MYO1B: variants seen among roughly 807,000 people sequenced by gnomAD.
MYO1B encodes unconventional myosin-Ib.
MYO1B carries 72 observed loss-of-function variants against 159.7 expected under a neutral mutation model. That is an observed-to-expected ratio of 0.45 (90% CI 0.37 to 0.55). MYO1B has a LOEUF of 0.55. Among genes scored for constraint, MYO1B ranks in the 20% least tolerant of loss-of-function variants. MYO1B has a pLI of 0.00. For synonymous variants in MYO1B, 468 were observed against 473.8 expected, an observed-to-expected ratio of 0.99 and a Z score of 0.16; for missense variants, 1,062 against 1,364.8, an observed-to-expected ratio of 0.78 and a Z score of 3.50.
Position 191,262,012 on chromosome 2 carries a change from A to G in MYO1B, c.-9-14875A>G, listed in dbSNP as rs573231600. Among the ~76,000 whole-genome samples, 29 of 152,272 alleles carry G rather than the reference A, an allele frequency of 1.9e-4. No homozygotes were observed. In the South Asian group the frequency reaches 5.8e-3, roughly 31 times the overall value. On this transcript the variant is annotated intron_variant, in intron 1 of 30. Transcript: ENST00000392318. ...TATGCATTTGGATAAGAGAACCTCT[A>G]CTTTAGTCTTAAACGCTCCTGTCTC...
chr2:191,276,230 A>G (rs1317485838), intron 1 of MYO1B, among the ~76,000 whole-genome samples: 2 of 152,166 alleles, frequency 1.3e-5, no homozygotes, highest in Non-Finnish European at 2.9e-5. Flanking sequence ...ATATGTCAGT[A>G]TTGATTGTCT....
chr2:191,296,353 A>G (rs558407533), intron 3 of MYO1B, 127 bp downstream of exon 3: 375 of 383,230 alleles, frequency 9.8e-4, no homozygotes, highest in African/African-American at 7.1e-3. Flanking sequence ...AAAGTTTGAT[A>G]AAAGTATGAA....
intron 12 of MYO1B, among the ~76,000 whole-genome samples, chr2:191,369,997 T>C (rs1407098363): frequency 6.6e-6 from 1 of 152,168 alleles, no homozygotes; most frequent in Non-Finnish European, 1.5e-5. Context: ...GACTAGGTGA[T>C]TTTGAAAGGC....
intron 22 of MYO1B, 55 bp from the exon 23 acceptor site, chr2:191,400,694 C>T (rs1460140167): frequency 2.8e-5 from 44 of 1,579,136 alleles, no homozygotes; most frequent in Non-Finnish European, 3.8e-5. Context: ...TGAAAACCAG[C>T]AGTAACCTTT....
intron 1 of MYO1B, among the ~76,000 whole-genome samples, chr2:191,266,331 T>C (rs1470071856): frequency 6.6e-6 from 1 of 152,220 alleles, no homozygotes; most frequent in African/African-American, 2.4e-5. Flanking sequence ...CCCTGTGGAA[T>C]AGATATTGTC....
rs189612272 is a variant in MYO1B, at chr2:191,336,077, T to C, written c.347-5384T>C. ...CTGATGGGGGCAGGGGGGCAGAATA[T>C]GAGGGAACCATCAAAACTACATTTT... On this transcript the variant is annotated intron_variant, in intron 4 of 30. Coordinates refer to ENST00000392318, the MANE Select transcript of MYO1B (RefSeq NM_001130158.3). Among the ~76,000 whole-genome samples the C allele has an allele frequency of 5.2e-3, 786 of 152,258 alleles. 8 individuals carry two copies. Among genetic ancestry groups the C allele is most frequent in the Admixed American group, 6.7e-3 (102 of 15,288 alleles).
At chr2:191,256,930 TC>T (rs1260544251) in intron 1 of MYO1B, among the ~76,000 whole-genome samples, 3 of 123,082 alleles carry the variant, frequency 2.4e-5, no homozygotes, top group African/African-American at 7.4e-5. Flanking sequence ...TCCTTGTGAA[TC>T]CCCCTTTTCT....
intron 17 of MYO1B, chr2:191,387,945 T>C (rs1054112254): frequency 5.8e-6 from 1 of 172,214 alleles, no homozygotes; most frequent in African/African-American, 2.4e-5. Context: ...GAGAAAGTAA[T>C]GATTCCTAAA....
At position 191,389,571 on chromosome 2, in the gene MYO1B, A is replaced by G. The variant is rs546882613; in HGVS notation, c.1782-721A>G. The stretch of plus-strand genomic sequence containing the variant: ...AGTGCCTGTCCCTTCTTCTAAGAAC[A>G]CTGACTAGAGGCTGCAGACATTACT... On this transcript the variant is annotated intron_variant, in intron 17 of 30. Coordinates refer to ENST00000392318, the MANE Select transcript of MYO1B (RefSeq NM_001130158.3). Among the ~76,000 whole-genome samples the G allele has an allele frequency of 7.9e-5, 12 of 152,286 alleles. 1 individual carries two copies. The South Asian group carries it at 2.3e-3, about 29-fold the overall frequency.
At chr2:191,391,970 A>C in intron 18 of MYO1B, 138 bp from the exon 19 acceptor site, 1 of 558,126 alleles carries the variant, frequency 1.8e-6, no homozygotes, top group Non-Finnish European at 3.1e-6. Context: ...TTCTTTGATA[A>C]ATGGATGATT....
At chr2:191,402,434 T>A (rs1251242589) in intron 23 of MYO1B, 198 bp from the exon 24 acceptor site, 1 of 578,102 alleles carries the variant, frequency 1.7e-6, no homozygotes, top group Non-Finnish European at 3.1e-6. Flanking sequence ...TGGAACAGAA[T>A]CTCAGTGCAC....
chr2:191,400,768 G>A lies in MYO1B; in HGVS notation c.2402G>A (p.Arg801Gln), dbSNP rs1696562125. 1 of 1,613,994 alleles carries A rather than the reference G, an allele frequency of 6.2e-7. No homozygotes were observed. Among genetic ancestry groups the A allele is most frequent in the Non-Finnish European group, 8.5e-7 (1 of 1,179,900 alleles). The change falls in exon 23 of 31, where the codon CGG becomes CAG. Residue 801 changes from arginine (R) to glutamine (Q), a missense_variant. Around this residue, in one of 5 missense-constraint regions of MYO1B, gnomAD observed 609 missense variants for 744.4 expected, o/e 0.82. Coordinates refer to ENST00000392318, the MANE Select transcript of MYO1B (RefSeq NM_001130158.3). ...TCACAGGCACGAAGGGAACTGAGACGGCTGAAGGAGGAGGCTAGGAATAAA... is the reference window on the plus strand; with the variant it reads ...TCACAGGCACGAAGGGAACTGAGACAGCTGAAGGAGGAGGCTAGGAATAAA... The part of the protein sequence containing the change: ...HGTQARRELR[R>Q]LKEEARNKHA...
intron 1 of MYO1B, among the ~76,000 whole-genome samples, chr2:191,273,806 C>T (rs532899106): frequency 2.7e-4 from 41 of 152,276 alleles, no homozygotes; most frequent in Non-Finnish European, 4.3e-4. Context: ...TTTAATTCTC[C>T]CTAGAGCCCC....
intron 17 of MYO1B, chr2:191,388,064 A>C (rs1014988022): frequency 6.5e-6 from 1 of 153,048 alleles, no homozygotes; most frequent in Admixed American, 6.5e-5. Context: ...CAGGTGGATC[A>C]CCTCAGGTCA....
At chr2:191,272,627 C>G (rs1331326549) in intron 1 of MYO1B, among the ~76,000 whole-genome samples, 1 of 152,236 alleles carries the variant, frequency 6.6e-6, no homozygotes, top group Non-Finnish European at 1.5e-5. Context: ...ATGTTTTCCT[C>G]TCTGGCCTTT....
At chr2:191,372,872 A>G (rs1295364897) in intron 13 of MYO1B, among the ~76,000 whole-genome samples, 1 of 102,562 alleles carries the variant, frequency 9.8e-6, no homozygotes, top group African/African-American at 3.7e-5. Context: ...TGCCTGCGTT[A>G]TATTTCCTTT....
At chr2:191,399,249 G>A (rs1282589919) in intron 21 of MYO1B, among the ~76,000 whole-genome samples, 2 of 152,114 alleles carry the variant, frequency 1.3e-5, no homozygotes, top group Non-Finnish European at 2.9e-5. Context: ...ATCAGAGGGA[G>A]ACCGTGGAAG....
At chr2:191,393,475 G>A (rs930596262) in intron 20 of MYO1B, among the ~76,000 whole-genome samples, 3 of 152,162 alleles carry the variant, frequency 2.0e-5, no homozygotes, top group Admixed American at 1.3e-4. Context: ...TAGAGCTCAA[G>A]TTCAGTGTGC....
chr2:191,259,099 C>T (rs910764161), intron 1 of MYO1B, among the ~76,000 whole-genome samples: 2 of 152,190 alleles, frequency 1.3e-5, no homozygotes, highest in Non-Finnish European at 2.9e-5. Flanking sequence ...TTGGCAGCAG[C>T]TTGTGCATGG....
Sources: gnomAD v4.1 joint callset for allele counts (sites outside exome capture counted in the v4.1 genomes callset) on GRCh38, gnomAD v4.1.1 for gene constraint, gnomAD v4.1.1 regional missense constraint, MANE v1.5 for transcripts, NCBI Gene and HGNC (gene_info 2026-07-23, HGNC 2026-07-21) for gene names.